FHIT: variants seen among roughly 807,000 people sequenced by gnomAD.
FHIT encodes bis(5'-adenosyl)-triphosphatase.
A neutral mutation model predicts 17.9 loss-of-function variants in FHIT; 19 were observed. That is an observed-to-expected ratio of 1.06 (90% CI 0.74 to 1.56). The LOEUF (loss-of-function observed/expected upper bound fraction) is 1.56. FHIT is among the 40% of genes most tolerant of loss of function. FHIT has a pLI of 0.00. For missense variants in FHIT, 248 were observed against 189.2 expected (o/e 1.31, Z -1.82); for synonymous variants, 81 against 69.7 (o/e 1.16, Z -0.81).
chr3:60,277,465 A>C (rs997674333), intron 5 of FHIT, among the ~76,000 whole-genome samples: 3 of 152,216 alleles, frequency 2.0e-5, no homozygotes, highest in Admixed American at 6.5e-5. Context: ...GGTACTAAGC[A>C]TGCTCAAAAT....
At chr3:60,624,420 G>C (rs1338924940) in intron 4 of FHIT, among the ~76,000 whole-genome samples, 4 of 152,182 alleles carry the variant, frequency 2.6e-5, no homozygotes, top group African/African-American at 7.2e-5. Flanking sequence ...TTGGACAGAA[G>C]ACCAGCCCAA....
chr3:60,761,626 T>C (rs1699661904), intron 4 of FHIT, among the ~76,000 whole-genome samples: 1 of 151,698 alleles, frequency 6.6e-6, no homozygotes. Context: ...GTCTTTTTTT[T>C]TTTTTTTTTT....
chr3:60,693,856 A>G (rs2041050528), intron 4 of FHIT, among the ~76,000 whole-genome samples: 1 of 152,238 alleles, frequency 6.6e-6, no homozygotes, highest in Non-Finnish European at 1.5e-5. Context: ...CACATTGGAC[A>G]CAATTGTTCT....
chr3:59,857,251 T>G (rs1702195554), intron 8 of FHIT, among the ~76,000 whole-genome samples: 2 of 152,212 alleles, frequency 1.3e-5, no homozygotes, highest in Non-Finnish European at 2.9e-5. Context: ...AGGGCAGGAA[T>G]GAGCGATACA....
At chr3:60,350,021 A>T (rs1711005696) in intron 5 of FHIT, among the ~76,000 whole-genome samples, 1 of 152,198 alleles carries the variant, frequency 6.6e-6, no homozygotes, top group Non-Finnish European at 1.5e-5. Context: ...ATAGAAGACA[A>T]TTGGTATTGG....
chr3:61,140,034 A>T (rs919213437), intron 2 of FHIT, among the ~76,000 whole-genome samples: 8 of 151,922 alleles, frequency 5.3e-5, no homozygotes, highest in African/African-American at 1.4e-4. Flanking sequence ...AAAAAAAAAA[A>T]AAAATAAGAA....
At chr3:60,453,310 C>T (rs17063156) in intron 5 of FHIT, among the ~76,000 whole-genome samples, 16,468 of 151,928 alleles carry the variant, frequency 0.11, 1,337 homozygotes, top group East Asian at 0.38. Flanking sequence ...GAAGGATGGT[C>T]CTTACTTTAA....
At chr3:59,835,969 A>G (rs1701325209) in intron 8 of FHIT, among the ~76,000 whole-genome samples, 1 of 152,174 alleles carries the variant, frequency 6.6e-6, no homozygotes, top group Non-Finnish European at 1.5e-5. Context: ...TGGTTCCCAA[A>G]TGGCCCCAGG....
chr3:61,202,143 C>G (rs965812940), intron 1 of FHIT, among the ~76,000 whole-genome samples: 1 of 151,900 alleles, frequency 6.6e-6, no homozygotes, highest in Non-Finnish European at 1.5e-5. Context: ...AAAAAGCCGT[C>G]TGGGAAGTGA....
chr3:61,235,955 T>G (rs2040220327), intron 1 of FHIT, among the ~76,000 whole-genome samples: 3 of 151,912 alleles, frequency 2.0e-5, no homozygotes, highest in Admixed American at 2.0e-4. Flanking sequence ...ATCACTAACA[T>G]GTCATTAGTG....
At chr3:60,130,267 G>GA (rs1479503084) in intron 5 of FHIT, among the ~76,000 whole-genome samples, 1 of 152,202 alleles carries the variant, frequency 6.6e-6, no homozygotes, top group Non-Finnish European at 1.5e-5. Context: ...GGTAAAACAA[G>GA]ACTATGTCTT....
intron 5 of FHIT, among the ~76,000 whole-genome samples, chr3:60,532,764 C>CA (rs1263299292): frequency 1.3e-5 from 2 of 152,186 alleles, no homozygotes; most frequent in African/African-American, 2.4e-5. Flanking sequence ...GATCCTGCTT[C>CA]AAAAGCGTAT....
At chr3:60,072,505 C>T (rs1422300392) in intron 5 of FHIT, among the ~76,000 whole-genome samples, 3 of 152,154 alleles carry the variant, frequency 2.0e-5, no homozygotes, top group Admixed American at 6.5e-5. Flanking sequence ...AGAGCCTGTG[C>T]ATGCTTACTT....
chr3:60,522,041 C>T (rs553798883), intron 5 of FHIT, among the ~76,000 whole-genome samples: 1 of 150,092 alleles, frequency 6.7e-6, no homozygotes, highest in South Asian at 2.1e-4. Flanking sequence ...CAGAGGGTGG[C>T]AGGTGAAGGT....
intron 3 of FHIT, among the ~76,000 whole-genome samples, chr3:60,889,085 G>A (rs1250421496): frequency 4.0e-5 from 6 of 151,844 alleles, no homozygotes; most frequent in African/African-American, 7.3e-5. Context: ...AACTCATTCC[G>A]ATCACCTACT....
intron 5 of FHIT, among the ~76,000 whole-genome samples, chr3:60,213,113 A>T (rs1703532830): frequency 1.3e-5 from 2 of 152,180 alleles, no homozygotes; most frequent in Non-Finnish European, 2.9e-5. Flanking sequence ...GATGACAAGA[A>T]CACAAATCAA....
Position 60,782,796 on chromosome 3 carries a change from G to C in FHIT, c.-18+39123C>G, listed in dbSNP as rs538521132. ...AGTGTCTGGTGAAGTCTTGCTCTCT[G>C]CTTCCAAGACAGTACATTGTTTCTG... On this transcript the variant is annotated intron_variant, in intron 4 of 9. Transcript: ENST00000492590. 2.6e-5 allele frequency among the ~76,000 whole-genome samples: 4 copies of C among 152,264 alleles called. No individual in the cohort carries two copies. The East Asian group carries it at 7.7e-4, about 29-fold the overall frequency.
intron 3 of FHIT, among the ~76,000 whole-genome samples, chr3:60,978,540 T>G (rs1360189313): frequency 6.6e-6 from 1 of 152,228 alleles, no homozygotes; most frequent in African/African-American, 2.4e-5. Flanking sequence ...TGAAAAGCAC[T>G]GGTTCTAGAA....
intron 5 of FHIT, among the ~76,000 whole-genome samples, chr3:60,520,553 T>G (rs998940486): frequency 3.9e-5 from 6 of 152,166 alleles, no homozygotes; most frequent in African/African-American, 1.4e-4. Context: ...CTTTCCAGCA[T>G]GTACAGGCTG....
Sources: allele counts gnomAD v4.1 joint callset (sites outside exome capture counted in the v4.1 genomes callset), GRCh38; gene constraint gnomAD v4.1.1; transcripts MANE v1.5; gene names NCBI Gene and HGNC (gene_info 2026-07-23, HGNC 2026-07-21).